EXOC3: variants seen among roughly 807,000 people sequenced by gnomAD.
EXOC3 encodes SEC6-like 1.
Under a neutral mutation model 73.7 loss-of-function variants are expected in EXOC3, and 21 were observed. The ratio of observed to expected loss-of-function variants is 0.29; its 90% CI spans 0.20 to 0.41. The LOEUF is 0.41. Among genes scored for constraint, EXOC3 ranks in the 10% least tolerant of loss-of-function variants. EXOC3 has a pLI of 1.00. For synonymous variants in EXOC3, 410 were observed against 389.1 expected (o/e 1.05, Z -0.63); for missense variants, 842 against 985.1 (o/e 0.85, Z 1.95).
rs867277355 is a variant in EXOC3 at position 462,255 on chromosome 5, T to C, written c.1601T>C (p.Ile534Thr). 4.3e-6 allele frequency: 7 copies of C among 1,613,862 alleles called. No individual in the cohort carries two copies. In the African/African-American group the frequency reaches 5.3e-5, roughly 12 times the overall value. Residue 534 changes from isoleucine to threonine, a missense_variant, in exon 9 of 13, where the codon ATC becomes ACC. Ile to Thr is a moderately conservative substitution (Grantham distance 89). Transcript: ENST00000512944. ...AGCATGGACGGGATTTTAGACGCCA[T>C]CGCGAAGGAGGGCTGCAGCGGTTTG... ...QPSMDGILDA[I>T]AKEGCSGLLE... is the part of the protein sequence containing the mutation.
intron 3 of EXOC3, among the ~76,000 whole-genome samples, chr5:451,193 T>G (rs147745137): frequency 2.0e-5 from 3 of 152,350 alleles, no homozygotes; most frequent in East Asian, 3.9e-4. Context: ...TTGTTTCTTT[T>G]GCGTATATTC....
chr5:456,515 A>G (rs540606417), intron 4 of EXOC3, among the ~76,000 whole-genome samples: 4 of 152,298 alleles, frequency 2.6e-5, no homozygotes, highest in African/African-American at 9.6e-5. Flanking sequence ...TCCCCACAGG[A>G]AAGGCTCTTC....
chr5:457,767 T>G, intron 5 of EXOC3, 133 bp from the exon 6 acceptor site: 1 of 1,004,926 alleles, frequency 1.0e-6, no homozygotes, highest in Non-Finnish European at 1.4e-6. Flanking sequence ...GGAGTCCTCA[T>G]TTGAGAAAGA....
intron 4 of EXOC3, among the ~76,000 whole-genome samples, chr5:454,690 G>T (rs1051974899): frequency 2.0e-5 from 3 of 152,180 alleles, no homozygotes; most frequent in African/African-American, 7.2e-5. Flanking sequence ...GAAAAATGGT[G>T]CAGTGGTGGG....
At chr5:460,157 C>G (rs935728419) in intron 7 of EXOC3, among the ~76,000 whole-genome samples, 1 of 152,206 alleles carries the variant, frequency 6.6e-6, no homozygotes, top group Non-Finnish European at 1.5e-5. Flanking sequence ...GATGCCAAGT[C>G]TGCGTTTGGG....
chr5:451,495 T>C (rs2126576044), intron 3 of EXOC3, among the ~76,000 whole-genome samples: 1 of 152,374 alleles, frequency 6.6e-6, no homozygotes, highest in Non-Finnish European at 1.5e-5. Flanking sequence ...TTTTAGACTA[T>C]TTTTTAATGT....
rs535123767 is a variant in EXOC3 at position 443,925 on chromosome 5, TCAAGGTGCAGGTGTCCTC to T, written c.-57+656_-57+673del. Among the ~76,000 whole-genome samples, 20 of 151,060 alleles carry T rather than the reference TCAAGGTGCAGGTGTCCTC, an allele frequency of 1.3e-4. No homozygotes were observed. In the South Asian group the frequency reaches 3.6e-3, roughly 27 times the overall value. On this transcript the variant is annotated intron_variant, in intron 1 of 12. Transcript: ENST00000512944. Reference sequence around the variant, plus strand: ...GTCCTTCCTGGCCTTTAGGAAGCTTTCAAGGTGCAGGTGTCCTCCAAGGTGCAGGTGTCCTCCAGCGGA... The same window carrying T: ...GTCCTTCCTGGCCTTTAGGAAGCTTTCAAGGTGCAGGTGTCCTCCAGCGGA...
chr5:446,735 T>A (rs1458576551), intron 2 of EXOC3, among the ~76,000 whole-genome samples: 1 of 152,110 alleles, frequency 6.6e-6, no homozygotes, highest in Non-Finnish European at 1.5e-5. Context: ...TTGACGCCTG[T>A]AATCCCAGCT....
intron 2 of EXOC3, 140 bp downstream of exon 2, chr5:446,489 A>G (rs1737512977): frequency 2.6e-6 from 2 of 755,934 alleles, no homozygotes; most frequent in South Asian, 1.9e-5. Flanking sequence ...AGTTACTTTC[A>G]GCAGTGTATT....
In EXOC3 at chr5:457,894, C is replaced by A. The variant is rs768295786; in HGVS notation, c.1165-6C>A. 3.7e-6 allele frequency: 6 copies of A among 1,601,786 alleles called. No individual in the cohort carries two copies. Among genetic ancestry groups the A allele is most frequent in the Non-Finnish European group, 5.1e-6 (6 of 1,173,566 alleles). ...TCTCTTCTCCATGATGCTGAACTTT[C>A]TTTAGTCAAACATCATCGCCTGGCT... On this transcript the variant is annotated splice_region_variant and splice_polypyrimidine_tract_variant and intron_variant, in intron 5 of 12. Coordinates refer to ENST00000512944, the MANE Select transcript of EXOC3 (RefSeq NM_007277.5).
At position 459,581 on chromosome 5, in the gene EXOC3, T is replaced by C. The variant is rs1579742013; in HGVS notation, c.1391+122T>C. 1.6e-5 allele frequency: 9 copies of C among 556,838 alleles called. No individual in the cohort carries two copies. The East Asian group carries it at 2.7e-4, about 17-fold the overall frequency. 34.5% of individuals were successfully genotyped at this position (556,838 alleles called of 1,614,324 possible). ...AAATTAAGCCGGTAGATTCCCCACG[T>C]GTCACTCCTGTGTTCTTCAAAAGCA... is the stretch of plus-strand genomic sequence containing the variant. On this transcript the variant is annotated intron_variant, in intron 7 of 12. Transcript: ENST00000512944.
Position 467,229 on chromosome 5 carries a change from C to CA in EXOC3, c.*332dup. On this transcript the variant is annotated 3_prime_UTR_variant, in exon 13 of 13. Coordinates refer to ENST00000512944, the MANE Select transcript of EXOC3 (RefSeq NM_007277.5). ...TCCTCCCTGGGCCTTCACCGCACCC[C>CA]ATCTGCTTAAGTGCTCGGAACCCCG... 3.3e-6 allele frequency: 1 copy of CA among 300,554 alleles called. No homozygotes were observed. Among genetic ancestry groups the CA allele is most frequent in the Non-Finnish European group, 6.2e-6 (1 of 162,368 alleles). The allele number at this position is 300,554 out of a possible 1,614,324, so 18.6% of individuals were successfully genotyped here.
chr5:459,753 T>C lies in EXOC3; in HGVS notation c.1391+294T>C, dbSNP rs1737928715. Among the ~76,000 whole-genome samples the C allele has an allele frequency of 3.3e-5, 5 of 152,208 alleles. No individual in the cohort carries two copies. In the South Asian group the frequency reaches 1.0e-3, roughly 32 times the overall value. On this transcript the variant is annotated intron_variant, in intron 7 of 12. Coordinates refer to ENST00000512944, the MANE Select transcript of EXOC3 (RefSeq NM_007277.5). ...GGAGTCAGGCTCCTCCTGTTGCCTG[T>C]TCTGAACTTCCTTGGGGTGGGGGTG... is the stretch of plus-strand genomic sequence containing the variant.
Position 456,984 on chromosome 5 carries a change from A to G in EXOC3, c.1142A>G (p.Asp381Gly). 1 of 1,613,660 alleles carries G rather than the reference A, an allele frequency of 6.2e-7. No individual in the cohort carries two copies. The highest frequency in any genetic ancestry group is 8.5e-7 in the Non-Finnish European group (1 of 1,179,606). ...CCACACGTGGTCTCTGAGCTGCTTGACACGTACATGTCCACGCTCACTGTG... is the reference window on the plus strand; with the variant it reads ...CCACACGTGGTCTCTGAGCTGCTTGGCACGTACATGTCCACGCTCACTGTG... ...LSPHVVSELL[D>G]TYMSTLTSNI... is the part of the protein sequence containing the mutation. The change falls in exon 5 of 13, where the codon GAC becomes GGC. Residue 381 changes from aspartate (D) to glycine (G), a missense_variant. Physicochemically the swap from Asp to Gly is moderately conservative, Grantham distance 94. Coordinates refer to ENST00000512944, the MANE Select transcript of EXOC3 (RefSeq NM_007277.5).
intron 2 of EXOC3, chr5:447,325 T>C: frequency 1.8e-6 from 1 of 551,322 alleles, no homozygotes; most frequent in Non-Finnish European, 3.2e-6. Flanking sequence ...AATGCATCAT[T>C]GTTCTGTTCC....
rs780523422 is a variant in EXOC3, at chr5:453,984, G to T, written c.979G>T (p.Ala327Ser). The T allele has an allele frequency of 6.2e-7, 1 of 1,613,714 alleles. No homozygotes were observed. Among genetic ancestry groups the T allele is most frequent in the Non-Finnish European group, 8.5e-7 (1 of 1,179,788 alleles). Residue 327 changes from alanine (A) to serine (S), a missense_variant, in exon 4 of 13, where the codon GCA (alanine) becomes TCA (serine). Physicochemically the swap from Ala to Ser is moderately conservative, Grantham distance 99 (BLOSUM62 1). Coordinates refer to ENST00000512944, the MANE Select transcript of EXOC3 (RefSeq NM_007277.5). ...CCTGAGCACGCGGATGCAGGACCTC[G>T]CATCGGAAGACCTGGAAGCCAATGA... ...QALSTRMQDL[A>S]SEDLEANEIV...
At chr5:463,563 G>A (rs75887537) in intron 9 of EXOC3, among the ~76,000 whole-genome samples, 1 of 152,196 alleles carries the variant, frequency 6.6e-6, no homozygotes, top group Non-Finnish European at 1.5e-5. Context: ...GGCCTGAACT[G>A]GGTTGGGTTT....
At chr5:462,391 T>C in intron 9 of EXOC3, 84 bp downstream of exon 9, 1 of 1,495,944 alleles carries the variant, frequency 6.7e-7, no homozygotes, top group Non-Finnish European at 9.3e-7. Flanking sequence ...GGCTGTGAAC[T>C]GTACCGTGCG....
rs1737475267 is a variant in EXOC3 at position 445,362 on chromosome 5, T to TTC, written c.-56-787_-56-786insCT. 2.0e-5 allele frequency among the ~76,000 whole-genome samples: 3 copies of TTC among 151,092 alleles called. No individual in the cohort carries two copies. The East Asian group carries it at 5.8e-4, about 29-fold the overall frequency. ...CTTTTTCTTTTTTTTTCTTTTTTTTTTTTTTGAGACGGAGTCTCGCTCTGT... is the reference window on the plus strand; with the variant it reads ...CTTTTTCTTTTTTTTTCTTTTTTTTTTCTTTTTGAGACGGAGTCTCGCTCTGT... On this transcript the variant is annotated intron_variant, in intron 1 of 12. Coordinates refer to ENST00000512944, the MANE Select transcript of EXOC3 (RefSeq NM_007277.5).
Sources: gnomAD v4.1 joint callset for allele counts (sites outside exome capture counted in the v4.1 genomes callset) on GRCh38, gnomAD v4.1.1 for gene constraint, MANE v1.5 for transcripts, NCBI Gene and HGNC (gene_info 2026-07-23, HGNC 2026-07-21) for gene names.